The following LIPI variants were observed in gnomAD, a reference collection of about 807,000 sequenced individuals.
LIPI encodes lipase member I.
A neutral mutation model predicts 50.6 loss-of-function variants in LIPI; 59 were observed. The observed-to-expected ratio is 1.16, with a 90% CI of 0.94 to 1.45. The LOEUF (loss-of-function observed/expected upper bound fraction) is 1.45, where lower values mean the gene tolerates loss of function less well. Among genes scored for constraint, LIPI ranks in the 40% most tolerant of loss-of-function variants. The probability of loss-of-function intolerance (pLI) is 0.00; values close to 1 mark genes in which losing one functional copy is unlikely to be tolerated. For synonymous variants in LIPI, 203 were observed against 178.2 expected, an observed-to-expected ratio of 1.14 and a Z score of -1.11; for missense variants, 586 against 536.3, an observed-to-expected ratio of 1.09 and a Z score of -0.92.
intron 1 of LIPI, among the ~76,000 whole-genome samples, chr21:14,209,772 A>G (rs1194417133): frequency 2.0e-5 from 3 of 152,068 alleles, no homozygotes; most frequent in Non-Finnish European, 4.4e-5. Flanking sequence ...TAAAATGATT[A>G]TAACTGTATT....
At chr21:14,207,063 A>T (rs1022228293) in intron 1 of LIPI, 3 of 669,484 alleles carry the variant, frequency 4.5e-6, no homozygotes, top group Non-Finnish European at 8.2e-6. Flanking sequence ...TTCTATGGCC[A>T]CAGAGCCAGT....
rs972930178 is a variant in LIPI, at chr21:14,185,943, T to A, written c.541+18A>T. On this transcript the variant is annotated intron_variant, in intron 3 of 9. Coordinates refer to ENST00000681601, the MANE Select transcript of LIPI (RefSeq NM_001302998.2). ...TTAAAAGTATGCTAAAGCAATAATTTTATAAAAATAATTTTACCTGTTATT... is the reference window on the plus strand; with the variant it reads ...TTAAAAGTATGCTAAAGCAATAATTATATAAAAATAATTTTACCTGTTATT... 13 of 1,342,214 alleles carry A rather than the reference T, an allele frequency of 9.7e-6. No individual in the cohort carries two copies. The highest frequency in any genetic ancestry group is 1.3e-5 in the Non-Finnish European group (12 of 936,606). The allele number at this position is 1,342,214 out of a possible 1,614,324, so 83.1% of individuals were successfully genotyped here.
At position 14,170,649 on chromosome 21, in the gene LIPI, T is replaced by C. The variant is rs147996117; in HGVS notation, c.644-4198A>G. ...TCTCAACAGATGCAGAAAAGTTTTT[T>C]GACAAAATTCAACAACCCTTCATGC... On this transcript the variant is annotated intron_variant, in intron 4 of 9. Coordinates refer to ENST00000681601, the MANE Select transcript of LIPI (RefSeq NM_001302998.2). 7.7e-3 allele frequency among the ~76,000 whole-genome samples: 1,175 copies of C among 152,274 alleles called. 20 individuals are homozygous for C. The highest frequency in any genetic ancestry group is 0.026 in the African/African-American group (1,072 of 41,536).
Position 14,108,877 on chromosome 21 carries a change from AG to A in LIPI, c.*115del, listed in dbSNP as rs759257394. On this transcript the variant is annotated 3_prime_UTR_variant, in exon 10 of 10. Transcript: ENST00000681601. ...TTTTTGATTCTTAAAATTTTTTCCAAGAAATAGAAATACTTGAATCTCAAAT... is the reference window on the plus strand; with the variant it reads ...TTTTTGATTCTTAAAATTTTTTCCAAAAATAGAAATACTTGAATCTCAAAT... The A allele has an allele frequency of 4.6e-6, 6 of 1,306,522 alleles. No homozygotes were observed. The highest frequency in any genetic ancestry group is 6.4e-6 in the Non-Finnish European group (6 of 932,508). The allele number at this position is 1,306,522 out of a possible 1,614,324, so 80.9% of individuals were successfully genotyped here. A position where few individuals can be genotyped will look rare whatever the true frequency, so the allele number is the denominator to read the frequency against.
chr21:14,129,997 C>G (rs1377751099), intron 9 of LIPI, among the ~76,000 whole-genome samples: 1 of 151,878 alleles, frequency 6.6e-6, no homozygotes, highest in Non-Finnish European at 1.5e-5. Context: ...ATTTGAGGAC[C>G]AAGGAAAAAT....
intron 9 of LIPI, among the ~76,000 whole-genome samples, chr21:14,110,332 G>C (rs1467853255): frequency 7.0e-6 from 1 of 141,874 alleles, no homozygotes; most frequent in Admixed American, 7.4e-5. Context: ...CCCTAAATTT[G>C]ACTTCATTTT....
At chr21:14,170,134 A>G (rs150182981) in intron 4 of LIPI, among the ~76,000 whole-genome samples, 2,599 of 152,216 alleles carry the variant, frequency 0.017, 72 homozygotes, top group African/African-American at 0.059. Flanking sequence ...TAAATTCCTC[A>G]ACACATACAC....
intron 4 of LIPI, among the ~76,000 whole-genome samples, chr21:14,177,810 T>C (rs1255946429): frequency 6.6e-6 from 1 of 152,126 alleles, no homozygotes; most frequent in Non-Finnish European, 1.5e-5. Flanking sequence ...TTTAACTAGT[T>C]CATTGTTCTT....
intron 1 of LIPI, among the ~76,000 whole-genome samples, chr21:14,205,665 T>C (rs770707860): frequency 7.9e-5 from 12 of 152,108 alleles, no homozygotes; most frequent in Admixed American, 2.6e-4. Flanking sequence ...TGATTTCTAT[T>C]GTCTGTATTT....
intron 1 of LIPI, among the ~76,000 whole-genome samples, chr21:14,196,115 G>A (rs1480173549): frequency 2.8e-5 from 3 of 106,978 alleles, no homozygotes; most frequent in Non-Finnish European, 3.7e-5. Context: ...CCACATTTAC[G>A]AGTTCGTAGC....
At chr21:14,198,794 C>T (rs538711269) in intron 1 of LIPI, among the ~76,000 whole-genome samples, 3 of 152,076 alleles carry the variant, frequency 2.0e-5, no homozygotes, top group Admixed American at 2.0e-4. Flanking sequence ...CCACATAAAA[C>T]AATAGAATAC....
At chr21:14,189,511 G>A in intron 1 of LIPI, 92 bp from the exon 2 acceptor site, 1 of 1,168,778 alleles carries the variant, frequency 8.6e-7, no homozygotes, top group South Asian at 1.3e-5. Context: ...GTGGAGGGTA[G>A]GGAGGATTTC....
intron 9 of LIPI, among the ~76,000 whole-genome samples, chr21:14,123,810 C>T (rs917183206): frequency 1.3e-5 from 2 of 152,126 alleles, no homozygotes; most frequent in African/African-American, 4.8e-5. Context: ...GATCTGTTAG[C>T]CATACAAGCC....
intron 4 of LIPI, among the ~76,000 whole-genome samples, chr21:14,171,268 A>G (rs1208378324): frequency 6.8e-6 from 1 of 147,644 alleles, no homozygotes; most frequent in Non-Finnish European, 1.5e-5. Context: ...AAGAATCAAT[A>G]TCGTGAAAAT....
intron 7 of LIPI, among the ~76,000 whole-genome samples, chr21:14,160,015 G>A (rs1255000577): frequency 6.6e-6 from 1 of 151,368 alleles, no homozygotes; most frequent in Non-Finnish European, 1.5e-5. Context: ...CCATATTCAT[G>A]AATTAGAATA....
At chr21:14,190,808 CCTT>C in intron 1 of LIPI, among the ~76,000 whole-genome samples, 1 of 152,126 alleles carries the variant, frequency 6.6e-6, no homozygotes, top group Non-Finnish European at 1.5e-5. Flanking sequence ...TATACATCCA[CCTT>C]CTCACCACCT....
chr21:14,189,124 G>A lies in LIPI; in HGVS notation c.342C>T (p.Ser114=). Residue 114 remains serine (S), a synonymous_variant, in exon 2 of 10, where the codon AGC becomes AGT. Transcript: ENST00000681601. ...EDMNVIVVDW[S]RGATTFIYNR... is the part of the protein sequence containing the mutation. Reference sequence around the variant, plus strand: ...TATAAATAAAAGTTGTAGCACCCCGGCTCCAGTCTACTACAATTACATTCA... The same window carrying A: ...TATAAATAAAAGTTGTAGCACCCCGACTCCAGTCTACTACAATTACATTCA... The A allele has an allele frequency of 6.2e-7, 1 of 1,613,554 alleles. No individual in the cohort carries two copies. The highest frequency in any genetic ancestry group is 1.1e-5 in the South Asian group (1 of 91,080).
At chr21:14,131,199 C>A (rs2017281565) in intron 9 of LIPI, among the ~76,000 whole-genome samples, 1 of 152,098 alleles carries the variant, frequency 6.6e-6, no homozygotes, top group Non-Finnish European at 1.5e-5. Context: ...ATCCACCCAC[C>A]TCGGCCTCCC....
chr21:14,113,523 T>A (rs1356046745), intron 9 of LIPI, among the ~76,000 whole-genome samples: 3 of 152,292 alleles, frequency 2.0e-5, no homozygotes, highest in Non-Finnish European at 2.9e-5. Flanking sequence ...ATTTTAAAAT[T>A]ACCAAAGCTA....
Sources: gnomAD v4.1 joint callset for allele counts (sites outside exome capture counted in the v4.1 genomes callset) on GRCh38, gnomAD v4.1.1 for gene constraint, MANE v1.5 for transcripts, NCBI Gene and HGNC (gene_info 2026-07-23, HGNC 2026-07-21) for gene names.